The following BSPH1 variants were observed in gnomAD, a reference collection of about 807,000 sequenced individuals.
The protein encoded by BSPH1 is binder of sperm 1.
In BSPH1, 21 loss-of-function variants were observed where a neutral mutation model predicts 22.5. The ratio of observed to expected loss-of-function variants is 0.93; its 90% CI spans 0.66 to 1.35. The LOEUF is 1.35. Among genes scored for constraint, BSPH1 ranks in the 40% most tolerant of loss-of-function variants. The probability of loss-of-function intolerance (pLI) is 0.00; values close to 1 mark genes in which losing one functional copy is unlikely to be tolerated. For missense variants in BSPH1, 141 were observed against 154.2 expected (o/e 0.91, Z 0.45); for synonymous variants, 42 against 53.6 (o/e 0.78, Z 0.95).
chr19:47,967,315 A>T (rs2122233066), downstream of BSPH1, among the ~76,000 whole-genome samples: 1 of 152,316 alleles, frequency 6.6e-6, no homozygotes, highest in South Asian at 2.1e-4. Flanking sequence ...ATACGATTTC[A>T]TTCTTTGTTA....
At chr19:47,977,284 A>G in intron 4 of BSPH1, 89 bp downstream of exon 4, 1 of 998,186 alleles carries the variant, frequency 1.0e-6, no homozygotes. Flanking sequence ...TATGGATTCT[A>G]TTTTCAGAAC....
chr19:47,972,763 CTTT>C (rs1568395197), intron 5 of BSPH1, among the ~76,000 whole-genome samples: 1 of 151,842 alleles, frequency 6.6e-6, no homozygotes, highest in Non-Finnish European at 1.5e-5. Context: ...CATAGTATTT[CTTT>C]TTAATGTAAT....
chr19:47,972,763 C>A (rs544275139), intron 5 of BSPH1, among the ~76,000 whole-genome samples: 10 of 151,960 alleles, frequency 6.6e-5, no homozygotes, highest in African/African-American at 1.9e-4. Flanking sequence ...CATAGTATTT[C>A]TTTTTAATGT....
At chr19:47,980,843 A>G (rs1969413455) in intron 2 of BSPH1, 78 bp downstream of exon 2, 2 of 732,510 alleles carry the variant, frequency 2.7e-6, no homozygotes, top group Non-Finnish European at 4.6e-6. Context: ...TTACCAGGAA[A>G]GGGAATACTC....
chr19:47,969,107 G>A (rs905876570), intron 5 of BSPH1, among the ~76,000 whole-genome samples: 2 of 152,146 alleles, frequency 1.3e-5, no homozygotes, highest in African/African-American at 4.8e-5. Flanking sequence ...TATTGTTGTT[G>A]GGGCTGGTGC....
intron 4 of BSPH1, among the ~76,000 whole-genome samples, chr19:47,977,140 CA>C (rs1969372820): frequency 6.6e-6 from 1 of 152,242 alleles, no homozygotes; most frequent in Non-Finnish European, 1.5e-5. Context: ...TCAGATCCCA[CA>C]TCACTTTGCT....
At chr19:47,979,809 T>C (rs893256267) in intron 2 of BSPH1, among the ~76,000 whole-genome samples, 14 of 152,154 alleles carry the variant, frequency 9.2e-5, no homozygotes, top group African/African-American at 3.4e-4. Flanking sequence ...TTATTCTATA[T>C]AAATCCTACA....
At chr19:47,985,369 G>A (rs4802416) in intron 1 of BSPH1, among the ~76,000 whole-genome samples, 103,977 of 151,944 alleles carry the variant, frequency 0.68, 36,059 homozygotes, top group African/African-American at 0.79. Context: ...AGAAAAAAAA[G>A]TCTTCAATCT....
intron 5 of BSPH1, 101 bp downstream of exon 5, chr19:47,976,609 C>CAAAAAAA: frequency 1.5e-6 from 1 of 664,820 alleles, no homozygotes; most frequent in African/African-American, 1.9e-5. Context: ...AAAAAAAACC[C>CAAAAAAA]TCTCTAATGA....
At position 47,991,976 on chromosome 19, in the gene BSPH1, C is replaced by T. The variant is rs1040749590; in HGVS notation, c.73+33G>A. 3 of 1,406,956 alleles carry T rather than the reference C, an allele frequency of 2.1e-6. No homozygotes were observed. In the African/African-American group the frequency reaches 4.3e-5, roughly 20 times the overall value. The allele number at this position is 1,406,956 out of a possible 1,614,324, so 87.2% of individuals were successfully genotyped here. A position where few individuals can be genotyped will look rare whatever the true frequency, so the allele number is the denominator to read the frequency against. ...TCTGCTCCAAAGTTAAGCTATCTAC[C>T]TTGCATAGGAAGAAATATAGAAAAA... On this transcript the variant is annotated intron_variant, in intron 1 of 5. Transcript: ENST00000344839.
chr19:47,973,880 G>T (rs1358795509), intron 5 of BSPH1, among the ~76,000 whole-genome samples: 1 of 152,082 alleles, frequency 6.6e-6, no homozygotes, highest in Non-Finnish European at 1.5e-5. Context: ...CTGGCTCCAC[G>T]TTTATCCTTA....
chr19:47,973,710 A>T (rs1969333465), intron 5 of BSPH1, among the ~76,000 whole-genome samples: 2 of 152,190 alleles, frequency 1.3e-5, no homozygotes, highest in Admixed American at 1.3e-4. Flanking sequence ...GAAATAAGCA[A>T]GCCAAGTACA....
chr19:47,973,091 C>A (rs1255947556), intron 5 of BSPH1, among the ~76,000 whole-genome samples: 1 of 151,638 alleles, frequency 6.6e-6, no homozygotes, highest in Non-Finnish European at 1.5e-5. Flanking sequence ...GTGGCGGGCG[C>A]CTGTAGTCCC....
At chr19:47,980,248 A>G (rs993271419) in intron 2 of BSPH1, among the ~76,000 whole-genome samples, 3 of 152,088 alleles carry the variant, frequency 2.0e-5, no homozygotes, top group African/African-American at 7.2e-5. Context: ...TTTTAAAATG[A>G]AATTGGCTTT....
chr19:47,990,118 C>CAAAAA (rs11329791), intron 1 of BSPH1, among the ~76,000 whole-genome samples: 11 of 99,664 alleles, frequency 1.1e-4, no homozygotes, highest in South Asian at 4.2e-4. Flanking sequence ...GACTCCATCT[C>CAAAAA]AAAAAAAAAA....
At chr19:47,977,878 C>T (rs1003895257) in intron 3 of BSPH1, among the ~76,000 whole-genome samples, 1 of 151,204 alleles carries the variant, frequency 6.6e-6, no homozygotes, top group South Asian at 2.1e-4. Context: ...TCTTTCTCTC[C>T]CTCTCCCATG....
intron 1 of BSPH1, chr19:47,981,620 G>T: frequency 3.2e-6 from 1 of 310,284 alleles, no homozygotes; most frequent in Non-Finnish European, 4.7e-6. Context: ...GGAAGTAACG[G>T]CCCAAACCCT....
chr19:47,991,212 G>A (rs961292898), intron 1 of BSPH1, among the ~76,000 whole-genome samples: 1 of 151,728 alleles, frequency 6.6e-6, no homozygotes, highest in Non-Finnish European at 1.5e-5. Context: ...CCACACCACC[G>A]ACCACACCGC....
In BSPH1 at chr19:47,976,784, T is replaced by C; in HGVS notation, c.327A>G (p.Glu109=). 6.4e-7 allele frequency: 1 copy of C among 1,551,664 alleles called. No homozygotes were observed. The highest frequency in any genetic ancestry group is 1.2e-5 in the South Asian group (1 of 84,058). The part of the protein sequence containing the change: ...LIYWECTDDG[E]AFGKKWCSLT... Reference sequence around the variant, plus strand: ...GTGAACACCATTTTTTCCCAAATGCTTCCCCATCATCAGTACACTCCCAGT... The same window carrying C: ...GTGAACACCATTTTTTCCCAAATGCCTCCCCATCATCAGTACACTCCCAGT... Residue 109 remains glutamate, a synonymous_variant, in exon 5 of 6, where the codon GAA becomes GAG. Coordinates refer to ENST00000344839, the MANE Select transcript of BSPH1 (RefSeq NM_001128326.2).
Sources: allele counts gnomAD v4.1 joint callset (sites outside exome capture counted in the v4.1 genomes callset), GRCh38; gene constraint gnomAD v4.1.1; transcripts MANE v1.5; gene names NCBI Gene and HGNC (gene_info 2026-07-23, HGNC 2026-07-21).